Variants in SERPINE2 observed in about 807,000 individuals in gnomAD.
The protein encoded by SERPINE2 is serpin family E member 2.
Under a neutral mutation model 36.3 loss-of-function variants are expected in SERPINE2, and 14 were observed. The observed-to-expected ratio is 0.39, with a 90% CI of 0.25 to 0.60. The LOEUF is 0.60. SERPINE2 is among the 20% of genes least tolerant of loss of function. The pLI, the probability that SERPINE2 is intolerant of heterozygous loss-of-function variation, is 0.57. For synonymous variants in SERPINE2, 192 were observed against 191.8 expected (o/e 1.00, Z -0.01); for missense variants, 418 against 499.6 (o/e 0.84, Z 1.56).
At chr2:224,009,291 G>C (rs940674244) in intron 1 of SERPINE2, among the ~76,000 whole-genome samples, 2 of 152,134 alleles carry the variant, frequency 1.3e-5, no homozygotes, top group Non-Finnish European at 2.9e-5. Context: ...TGGAACCTAA[G>C]GCCCCTTATT....
intron 1 of SERPINE2, among the ~76,000 whole-genome samples, chr2:224,004,994 A>G (rs893254314): frequency 7.6e-6 from 1 of 131,212 alleles, no homozygotes. Context: ...TACTACATAT[A>G]TATTATATAT....
chr2:223,980,571 A>C (rs1380558494), intron 6 of SERPINE2, 174 bp from the exon 7 acceptor site: 1 of 585,728 alleles, frequency 1.7e-6, no homozygotes, highest in African/African-American at 1.9e-5. Flanking sequence ...TTACTTGTGA[A>C]TTTCAGTCCC....
In SERPINE2 at chr2:223,977,433, T is replaced by C. The variant is rs7597833; in HGVS notation, c.1156+111A>G. The C allele has an allele frequency of 0.43, 317,523 of 733,070 alleles. 73,863 individuals are homozygous for C. The highest frequency in any genetic ancestry group is 0.48 in the Non-Finnish European group (193,514 of 401,110). The allele number at this position is 733,070 out of a possible 1,614,324, so 45.4% of individuals were successfully genotyped here. On this transcript the variant is annotated intron_variant, in intron 8 of 8. Transcript: ENST00000409304. Reference sequence around the variant, plus strand: ...ATATTATTCAAAGTGTCTGCAACTATTGACATTAGGGAAATGGACTATGGG... The same window carrying C: ...ATATTATTCAAAGTGTCTGCAACTACTGACATTAGGGAAATGGACTATGGG...
intron 5 of SERPINE2, among the ~76,000 whole-genome samples, chr2:223,983,298 G>T (rs2106137389): frequency 6.6e-6 from 1 of 152,298 alleles, no homozygotes; most frequent in African/African-American, 2.4e-5. Context: ...CTGTGGCCCA[G>T]GCCAGAGGAC....
chr2:224,025,993 T>C (rs1692168235), intron 1 of SERPINE2, among the ~76,000 whole-genome samples: 1 of 152,196 alleles, frequency 6.6e-6, no homozygotes, highest in Non-Finnish European at 1.5e-5. Flanking sequence ...TCAAGGTAGG[T>C]GGGCGTGACC....
chr2:223,988,794 A>G (rs866162981), intron 4 of SERPINE2, among the ~76,000 whole-genome samples: 1 of 152,324 alleles, frequency 6.6e-6, no homozygotes. Flanking sequence ...AAAAAAGCAG[A>G]TGGCTTTCCA....
Position 223,989,863 on chromosome 2 carries a change from C to G in SERPINE2, c.685+1940G>C, listed in dbSNP as rs946977468. 3.3e-5 allele frequency among the ~76,000 whole-genome samples: 5 copies of G among 152,162 alleles called. No individual in the cohort carries two copies. In the East Asian group the frequency reaches 7.7e-4, roughly 24 times the overall value. Reference sequence around the variant, plus strand: ...TAAACAGATAAGACATCAAATTGGGCCATTTAAGCAGAATTTGATGAAGGA... The same window carrying G: ...TAAACAGATAAGACATCAAATTGGGGCATTTAAGCAGAATTTGATGAAGGA... On this transcript the variant is annotated intron_variant, in intron 4 of 8. Transcript: ENST00000409304.
chr2:224,028,749 C>T (rs1692267558), intron 1 of SERPINE2, among the ~76,000 whole-genome samples: 1 of 152,156 alleles, frequency 6.6e-6, no homozygotes, highest in South Asian at 2.1e-4. Flanking sequence ...GCATAATTTT[C>T]CACTTCCCTC....
chr2:224,007,845 T>TA (rs1691482989), intron 1 of SERPINE2, among the ~76,000 whole-genome samples: 1 of 152,236 alleles, frequency 6.6e-6, no homozygotes, highest in African/African-American at 2.4e-5. Flanking sequence ...CTAACTGCAT[T>TA]AATGTCATGC....
At chr2:223,999,519 C>T (rs143044836) in intron 2 of SERPINE2, among the ~76,000 whole-genome samples, 147 of 152,128 alleles carry the variant, frequency 9.7e-4, no homozygotes, top group Non-Finnish European at 1.9e-3. Context: ...CAAACAGGGG[C>T]GTGTGTAGGG....
intron 1 of SERPINE2, among the ~76,000 whole-genome samples, chr2:224,002,487 T>C (rs1335202513): frequency 6.6e-6 from 1 of 151,926 alleles, no homozygotes; most frequent in Non-Finnish European, 1.5e-5. Flanking sequence ...TCTCGGTTAT[T>C]TTATTTTTAT....
chr2:224,017,810 T>C (rs567379972), intron 1 of SERPINE2, among the ~76,000 whole-genome samples: 2 of 152,350 alleles, frequency 1.3e-5, no homozygotes, highest in East Asian at 3.9e-4. Context: ...GCCTCTGCTG[T>C]TACCCCATTT....
intron 6 of SERPINE2, 114 bp downstream of exon 6, chr2:223,982,567 T>C: frequency 1.7e-6 from 1 of 581,306 alleles, no homozygotes; most frequent in Non-Finnish European, 2.9e-6. Context: ...AAATGAAACC[T>C]TGTACAGTTT....
chr2:224,037,597 G>T (rs1047147736), intron 1 of SERPINE2, among the ~76,000 whole-genome samples: 1 of 152,184 alleles, frequency 6.6e-6, no homozygotes, highest in Non-Finnish European at 1.5e-5. Context: ...GATGGGAAAA[G>T]AACTGGCTGG....
chr2:223,983,736 A>ATGTGTGTGTGTG (rs71058971), intron 5 of SERPINE2, among the ~76,000 whole-genome samples: 2 of 82,826 alleles, frequency 2.4e-5, no homozygotes, highest in African/African-American at 6.0e-5. Context: ...ATGTGTGTAT[A>ATGTGTGTGTGTG]TGTGTGTGTG....
In SERPINE2 at chr2:223,975,919, G is replaced by A; in HGVS notation, c.1157-15C>T. On this transcript the variant is annotated splice_polypyrimidine_tract_variant and intron_variant, in intron 8 of 8. Transcript: ENST00000409304. ...TAACACAGCACCTACAGAATTAAAAGAAAACAATGCATGACTCTGTAAATT... is the reference window on the plus strand; with the variant it reads ...TAACACAGCACCTACAGAATTAAAAAAAAACAATGCATGACTCTGTAAATT... 1 of 1,593,654 alleles carries A rather than the reference G, an allele frequency of 6.3e-7. No homozygotes were observed. Among genetic ancestry groups the A allele is most frequent in the Non-Finnish European group, 8.6e-7 (1 of 1,165,788 alleles).
chr2:224,015,386 T>C (rs553189069), intron 1 of SERPINE2, among the ~76,000 whole-genome samples: 58 of 152,226 alleles, frequency 3.8e-4, no homozygotes, highest in Middle Eastern at 3.4e-3. Context: ...GGGCAGACAT[T>C]GGAGGATGGA....
intron 2 of SERPINE2, 145 bp downstream of exon 2, chr2:224,001,497 C>A: frequency 1.2e-6 from 1 of 826,524 alleles, no homozygotes; most frequent in Non-Finnish European, 1.8e-6. Context: ...TTAGAAGAGA[C>A]TGACCCCAAG....
At chr2:224,002,865 G>C (rs1048409294) in intron 1 of SERPINE2, among the ~76,000 whole-genome samples, 1 of 151,868 alleles carries the variant, frequency 6.6e-6, no homozygotes. Context: ...ACTGGGTGTC[G>C]GACCCTTTTC....
Sources: allele counts gnomAD v4.1 joint callset (sites outside exome capture counted in the v4.1 genomes callset), GRCh38; gene constraint gnomAD v4.1.1; transcripts MANE v1.5; gene names NCBI Gene and HGNC (gene_info 2026-07-23, HGNC 2026-07-21).